The following PTPRM variants were observed in gnomAD, a reference collection of about 807,000 sequenced individuals.
PTPRM encodes protein tyrosine phosphatase receptor type M.
PTPRM carries 47 observed loss-of-function variants against 186.7 expected under a neutral mutation model. The ratio of observed to expected loss-of-function variants is 0.25; its 90% CI spans 0.20 to 0.32. The LOEUF (loss-of-function observed/expected upper bound fraction) is 0.32. PTPRM is among the 10% of genes least tolerant of loss of function. PTPRM has a pLI of 1.00. For synonymous variants in PTPRM, 668 were observed against 674.9 expected, an observed-to-expected ratio of 0.99 and a Z score of 0.16; for missense variants, 1,494 against 1,865.0, an observed-to-expected ratio of 0.80 and a Z score of 3.66.
At chr18:8,344,911 G>A (rs915692484) in intron 23 of PTPRM, among the ~76,000 whole-genome samples, 1 of 152,172 alleles carries the variant, frequency 6.6e-6, no homozygotes, top group Non-Finnish European at 1.5e-5. Context: ...GGAAGTGGAG[G>A]TAGGGAGAGG....
intron 2 of PTPRM, among the ~76,000 whole-genome samples, chr18:7,872,413 G>A (rs1359248000): frequency 6.6e-6 from 1 of 152,052 alleles, no homozygotes; most frequent in Non-Finnish European, 1.5e-5. Context: ...TTATTGTGCA[G>A]TTATTATTCA....
At chr18:8,129,455 T>C (rs997340034) in intron 13 of PTPRM, among the ~76,000 whole-genome samples, 5 of 152,154 alleles carry the variant, frequency 3.3e-5, no homozygotes, top group African/African-American at 1.2e-4. Context: ...CATTTATTTA[T>C]TTTAGGAAAT....
intron 2 of PTPRM, among the ~76,000 whole-genome samples, chr18:7,813,915 A>T (rs904617542): frequency 6.6e-6 from 1 of 152,036 alleles, no homozygotes; most frequent in African/African-American, 2.4e-5. Flanking sequence ...ATTTCAGATC[A>T]CCTTTAAAAA....
In PTPRM at chr18:7,591,967, C is replaced by A. The variant is rs1288494860; in HGVS notation, c.73+24076C>A. Among the ~76,000 whole-genome samples, 4 of 152,118 alleles carry A rather than the reference C, an allele frequency of 2.6e-5. No homozygotes were observed. The East Asian group carries it at 7.7e-4, about 29-fold the overall frequency. On this transcript the variant is annotated intron_variant, in intron 1 of 32. Transcript: ENST00000580170. ...CTCCCTATGTGTCCCGTTGCTTATT[C>A]CTGCCTGCTGATAATTCTGTTCCCA...
rs780390681 is a variant in PTPRM at position 8,088,815 on chromosome 18, T to C, written c.1820T>C (p.Met607Thr). The change falls in exon 11 of 33, where the codon ATG (methionine) becomes ACG (threonine). Residue 607 changes from methionine to threonine, a missense_variant. Coordinates refer to ENST00000580170, the MANE Select transcript of PTPRM (RefSeq NM_001105244.2). ...CAAACTGACAATACCGTGACAGTCATGCTGAAACCTGCCCACAGCAGAGGA... is the reference window on the plus strand; with the variant it reads ...CAAACTGACAATACCGTGACAGTCACGCTGAAACCTGCCCACAGCAGAGGA... Reference protein sequence around the residue: ...LNQTDNTVTVMLKPAHSRGAP... With the variant: ...LNQTDNTVTVTLKPAHSRGAP... 12 of 1,612,832 alleles carry C rather than the reference T, an allele frequency of 7.4e-6. No homozygotes were observed. Among genetic ancestry groups the C allele is most frequent in the South Asian group, 5.5e-5 (5 of 91,042 alleles).
At chr18:8,055,749 G>A (rs762602111) in intron 7 of PTPRM, among the ~76,000 whole-genome samples, 5 of 152,192 alleles carry the variant, frequency 3.3e-5, no homozygotes, top group Admixed American at 3.3e-4. Flanking sequence ...CTATATTTAT[G>A]TATCAGTGTG....
intron 9 of PTPRM, among the ~76,000 whole-genome samples, chr18:8,081,251 A>T (rs942301930): frequency 2.0e-5 from 3 of 152,224 alleles, no homozygotes; most frequent in African/African-American, 7.2e-5. Context: ...ACTTACCTGC[A>T]AATCAGAAAT....
chr18:7,864,478 C>T (rs371583378), intron 2 of PTPRM, among the ~76,000 whole-genome samples: 11 of 151,992 alleles, frequency 7.2e-5, no homozygotes, highest in African/African-American at 2.7e-4. Flanking sequence ...GCTTGTTTTT[C>T]TTGGGTTTGT....
At chr18:7,585,453 C>T (rs1226441278) in intron 1 of PTPRM, among the ~76,000 whole-genome samples, 7 of 152,004 alleles carry the variant, frequency 4.6e-5, no homozygotes, top group Admixed American at 4.6e-4. Flanking sequence ...CCCTTCTGTC[C>T]CATGCAGATC....
rs368918925 is a variant in PTPRM at position 8,237,609 on chromosome 18, C to T, written c.2301-6449C>T. On this transcript the variant is annotated intron_variant, in intron 14 of 32. Transcript: ENST00000580170. ...GATTACAAGCATGCGCCACCATGCC[C>T]GGCTAATTGTATTTTTAGTAGAGAT... 2.6e-5 allele frequency among the ~76,000 whole-genome samples: 4 copies of T among 151,756 alleles called. No individual in the cohort carries two copies. In the East Asian group the frequency reaches 7.8e-4, roughly 29 times the overall value.
At chr18:8,073,388 A>G (rs1054788621) in intron 8 of PTPRM, among the ~76,000 whole-genome samples, 2 of 152,250 alleles carry the variant, frequency 1.3e-5, no homozygotes, top group Non-Finnish European at 2.9e-5. Context: ...GGTTAAGAGG[A>G]AGAGACTTAG....
intron 19 of PTPRM, among the ~76,000 whole-genome samples, chr18:8,289,034 CAA>C (rs2094991482): frequency 6.6e-6 from 1 of 152,140 alleles, no homozygotes; most frequent in Non-Finnish European, 1.5e-5. Context: ...GCATCAGGCA[CAA>C]AGCCACAGGT....
In PTPRM at chr18:8,265,739, G is replaced by GA. The variant is rs201683767; in HGVS notation, c.2754+12325_2754+12326insA. On this transcript the variant is annotated intron_variant, in intron 19 of 32. Coordinates refer to ENST00000580170, the MANE Select transcript of PTPRM (RefSeq NM_001105244.2). The stretch of plus-strand genomic sequence containing the variant: ...AATCAGAAGGCAAATGTGGGTCATG[G>GA]TTCCTCTCTGCGAACTCTCTAACAC... Among the ~76,000 whole-genome samples the GA allele has an allele frequency of 9.1e-3, 1,386 of 152,282 alleles. 25 individuals carry two copies. The highest frequency in any genetic ancestry group is 0.032 in the African/African-American group (1,335 of 41,534).
chr18:7,731,247 T>C (rs893713220), intron 1 of PTPRM, among the ~76,000 whole-genome samples: 3 of 152,224 alleles, frequency 2.0e-5, no homozygotes, highest in Non-Finnish European at 4.4e-5. Flanking sequence ...AAAGACTTTA[T>C]GGTCCTTAAT....
intron 1 of PTPRM, among the ~76,000 whole-genome samples, chr18:7,722,813 G>T (rs1006063785): frequency 8.5e-5 from 13 of 152,066 alleles, no homozygotes; most frequent in African/African-American, 3.1e-4. Flanking sequence ...AGAGACAAAG[G>T]GATAAAACAG....
intron 1 of PTPRM, among the ~76,000 whole-genome samples, chr18:7,693,274 T>C (rs2039774186): frequency 6.6e-6 from 1 of 152,212 alleles, no homozygotes; most frequent in South Asian, 2.1e-4. Flanking sequence ...CAGGATCTTA[T>C]TCTTCTTACC....
chr18:7,986,713 C>T (rs1011315848), intron 7 of PTPRM, among the ~76,000 whole-genome samples: 1 of 152,194 alleles, frequency 6.6e-6, no homozygotes, highest in Non-Finnish European at 1.5e-5. Flanking sequence ...TATAGACACT[C>T]ATTTATAATG....
At chr18:7,605,141 A>G (rs1277464685) in intron 1 of PTPRM, among the ~76,000 whole-genome samples, 2 of 152,190 alleles carry the variant, frequency 1.3e-5, no homozygotes, top group Non-Finnish European at 2.9e-5. Flanking sequence ...GTCTTGGGCC[A>G]CACAGAAAAT....
At chr18:7,785,588 A>G (rs866860546) in intron 2 of PTPRM, among the ~76,000 whole-genome samples, 1 of 152,254 alleles carries the variant, frequency 6.6e-6, no homozygotes, top group Non-Finnish European at 1.5e-5. Flanking sequence ...TACAAGAGAC[A>G]TTAATTGAGG....
Sources: allele counts gnomAD v4.1 joint callset (sites outside exome capture counted in the v4.1 genomes callset), GRCh38; gene constraint gnomAD v4.1.1; transcripts MANE v1.5; gene names NCBI Gene and HGNC (gene_info 2026-07-23, HGNC 2026-07-21).